PPP1R26: variants seen among roughly 807,000 people sequenced by gnomAD.
PPP1R26 encodes the protein protein phosphatase 1 regulatory subunit 26, also known as 1A6/DRIM (down-regulated in metastasis) interacting protein.
A neutral mutation model predicts 67.6 loss-of-function variants in PPP1R26; 22 were observed. The ratio of observed to expected loss-of-function variants is 0.33; its 90% CI spans 0.23 to 0.46. The LOEUF is 0.46. Among genes scored for constraint, PPP1R26 ranks in the 20% least tolerant of loss-of-function variants. The pLI is 1.00. For synonymous variants in PPP1R26, 729 were observed against 717.2 expected, an observed-to-expected ratio of 1.02 and a Z score of -0.26; for missense variants, 1,602 against 1,651.4, an observed-to-expected ratio of 0.97 and a Z score of 0.52.
At position 135,487,760 on chromosome 9, in the gene PPP1R26, A is replaced by C. The variant is rs982936502; in HGVS notation, c.3250A>C (p.Thr1084Pro). 7.4e-6 allele frequency: 11 copies of C among 1,493,414 alleles called. No individual in the cohort carries two copies. The highest frequency in any genetic ancestry group is 9.8e-6 in the Non-Finnish European group (11 of 1,123,866). 92.5% of individuals were successfully genotyped at this position (1,493,414 alleles called of 1,614,324 possible). The change falls in exon 4 of 4, where the codon ACC becomes CCC. Residue 1084 changes from threonine to proline, a missense_variant. Coordinates refer to ENST00000356818, the MANE Select transcript of PPP1R26 (RefSeq NM_014811.5). ...TGCGGGCTTCTCGCCGCTGCTGTCC[A>C]CCCAGCTCTTCCACTTTGGAAAGGG... is the stretch of plus-strand genomic sequence containing the variant. ...PLAGFSPLLSTQLFHFGKGVS... is the reference protein window; with the variant it reads ...PLAGFSPLLSPQLFHFGKGVS...
chr9:135,484,672 G>A lies in PPP1R26; in HGVS notation c.162G>A (p.Leu54=). The change falls in exon 4 of 4, where the codon CTG becomes CTA. Residue 54 remains leucine (L), a synonymous_variant. Transcript: ENST00000356818. The part of the protein sequence containing the change: ...SARVQMLIST[L]QRDGAARGTS... ...GGGTGCAGATGCTTATCAGCACTCTGCAGCGCGACGGGGCTGCTCGGGGCA... is the reference window on the plus strand; with the variant it reads ...GGGTGCAGATGCTTATCAGCACTCTACAGCGCGACGGGGCTGCTCGGGGCA... The A allele has an allele frequency of 1.2e-6, 2 of 1,610,740 alleles. No homozygotes were observed. Among genetic ancestry groups the A allele is most frequent in the South Asian group, 2.2e-5 (2 of 91,054 alleles).
upstream of PPP1R26, chr9:135,479,596 G>A (rs1347905569): frequency 6.8e-6 from 1 of 146,090 alleles, no homozygotes; most frequent in Non-Finnish European, 1.5e-5. This position sits in a 1 kb window ranked among gnomAD's most constrained non-coding sequence, Gnocchi z 5.9. Context: ...CGCGGCGGCA[G>A]GTGGGCGCGC....
At position 135,486,505 on chromosome 9, in the gene PPP1R26, G is replaced by C; in HGVS notation, c.1995G>C (p.Gln665His). ...GPGDTRMSQG[Q>H]GKTDEARRLD... The stretch of plus-strand genomic sequence containing the variant: ...GCGACACTCGCATGTCACAGGGCCA[G>C]GGTAAGACAGACGAGGCAAGGCGCC... Residue 665 changes from glutamine to histidine, a missense_variant, in exon 4 of 4, where the codon CAG becomes CAC. Physicochemically the swap from Gln to His is conservative, Grantham distance 24. This residue lies in a region of PPP1R26 where 680 missense variants were observed against 726.1 expected (regional missense o/e 0.94). Transcript: ENST00000356818. This position sits in a 1 kb window ranked among gnomAD's most constrained non-coding sequence, Gnocchi z 6.2. 1.2e-6 allele frequency: 2 copies of C among 1,613,042 alleles called. No individual in the cohort carries two copies. Among genetic ancestry groups the C allele is most frequent in the Non-Finnish European group, 1.7e-6 (2 of 1,179,960 alleles).
chr9:135,481,879 A>G (rs1439674719), intron 1 of PPP1R26, among the ~76,000 whole-genome samples: 1 of 152,164 alleles, frequency 6.6e-6, no homozygotes, highest in Non-Finnish European at 1.5e-5. Context: ...TCAGCCTCCC[A>G]AAGTGCTGGG....
chr9:135,484,123 C>T (rs150221859), intron 3 of PPP1R26, 41 bp downstream of exon 3: 1 of 414,378 alleles, frequency 2.4e-6, no homozygotes, highest in East Asian at 3.5e-5. Context: ...AGGTGGAAGC[C>T]CGGAGTGAGA....
chr9:135,488,684 A>G lies in PPP1R26; in HGVS notation c.*544A>G. On this transcript the variant is annotated 3_prime_UTR_variant, in exon 4 of 4. Transcript: ENST00000356818. ...CCTTAGAGGCCAGAGCACATCTGAAAACTGCAATCACAGCCGTCCGCTGGA... is the reference window on the plus strand; with the variant it reads ...CCTTAGAGGCCAGAGCACATCTGAAGACTGCAATCACAGCCGTCCGCTGGA... The G allele has an allele frequency of 6.0e-6, 1 of 167,170 alleles. No homozygotes were observed. 10.4% of individuals were successfully genotyped at this position (167,170 alleles called of 1,614,324 possible). A position where few individuals can be genotyped will look rare whatever the true frequency, so the allele number is the denominator to read the frequency against.
At position 135,486,690 on chromosome 9, in the gene PPP1R26, C is replaced by T. The variant is rs552032298; in HGVS notation, c.2180C>T (p.Ala727Val). Residue 727 changes from alanine (A) to valine (V), a missense_variant, in exon 4 of 4, where the codon GCC (alanine) becomes GTC (valine). By Grantham distance (64) the Ala-to-Val change is moderately conservative. Transcript: ENST00000356818. This position sits in a 1 kb window ranked among gnomAD's most constrained non-coding sequence, Gnocchi z 6.2. Reference sequence around the variant, plus strand: ...AGGAAGAAGGTCAGGTTCAGCACAGCCCAGACGCACTTCTTGGAGCAGCTG... The same window carrying T: ...AGGAAGAAGGTCAGGTTCAGCACAGTCCAGACGCACTTCTTGGAGCAGCTG... The part of the protein sequence containing the change: ...ACRKKVRFST[A>V]QTHFLEQLGG... 1 of 1,599,692 alleles carries T rather than the reference C, an allele frequency of 6.3e-7. No homozygotes were observed. The highest frequency in any genetic ancestry group is 8.5e-7 in the Non-Finnish European group (1 of 1,173,750).
Position 135,487,891 on chromosome 9 carries a change from C to A in PPP1R26, c.3381C>A (p.Ser1127Arg). The change falls in exon 4 of 4, where the codon AGC (serine) becomes AGA (arginine). Residue 1127 changes from serine (S) to arginine (R), a missense_variant. Physicochemically the swap from Ser to Arg is moderately radical, Grantham distance 110. Transcript: ENST00000356818. ...SAFREAQAGP[S>R]PVFGSPHLLA... Reference sequence around the variant, plus strand: ...TCAGGGAGGCCCAGGCCGGACCCAGCCCTGTCTTTGGAAGCCCACACTTGC... The same window carrying A: ...TCAGGGAGGCCCAGGCCGGACCCAGACCTGTCTTTGGAAGCCCACACTTGC... The A allele has an allele frequency of 1.9e-6, 3 of 1,577,002 alleles. No homozygotes were observed. Among genetic ancestry groups the A allele is most frequent in the Middle Eastern group, 2.2e-4 (1 of 4,630 alleles).
Position 135,487,849 on chromosome 9 carries a change from C to A in PPP1R26, c.3339C>A (p.Gly1113=), listed in dbSNP as rs201947758. The A allele has an allele frequency of 6.5e-4, 1,042 of 1,594,388 alleles. 4 individuals are homozygous for A. Among genetic ancestry groups the A allele is most frequent in the Admixed American group, 1.2e-3 (70 of 57,034 alleles). The change falls in exon 4 of 4, where the codon GGC becomes GGA. Residue 1113 remains glycine (G), a synonymous_variant. Coordinates refer to ENST00000356818, the MANE Select transcript of PPP1R26 (RefSeq NM_014811.5). ...CCCACCTGGGGCTGCCTCTGCAGGG[C>A]CCCTCCTTCTCGGCCTTCAGGGAGG... The part of the protein sequence containing the change: ...FSPHLGLPLQ[G]PSFSAFREAQ...
In PPP1R26 at chr9:135,484,597, G is replaced by T. The variant is rs1299426210; in HGVS notation, c.87G>T (p.Arg29Ser). 1 of 1,612,576 alleles carries T rather than the reference G, an allele frequency of 6.2e-7. No individual in the cohort carries two copies. Among genetic ancestry groups the T allele is most frequent in the Non-Finnish European group, 8.5e-7 (1 of 1,180,022 alleles). Reference protein sequence around the residue: ...FGPPGSCRFPRCFSEADEGVE... With the variant: ...FGPPGSCRFPSCFSEADEGVE... ...CGCCAGGGAGCTGTAGGTTCCCCAG[G>T]TGCTTCTCGGAGGCTGACGAGGGCG... The change falls in exon 4 of 4, where the codon AGG becomes AGT. Residue 29 changes from arginine to serine, a missense_variant. Coordinates refer to ENST00000356818, the MANE Select transcript of PPP1R26 (RefSeq NM_014811.5).
In PPP1R26 at chr9:135,487,467, C is replaced by T. The variant is rs148253017; in HGVS notation, c.2957C>T (p.Ala986Val). ...AFGQLPSCATAGTEAGGARGT... is the reference protein window; with the variant it reads ...AFGQLPSCATVGTEAGGARGT... ...GGTCAGCTGCCCAGCTGTGCCACAG[C>T]GGGCACCGAGGCAGGAGGCGCCAGA... is the stretch of plus-strand genomic sequence containing the variant. Residue 986 changes from alanine to valine, a missense_variant, in exon 4 of 4, where the codon GCG (alanine) becomes GTG (valine). By Grantham distance (64) the Ala-to-Val change is moderately conservative. This residue lies in a region of PPP1R26 where 740 missense variants were observed against 696.3 expected (regional missense o/e 1.06). Transcript: ENST00000356818. 47 of 1,610,460 alleles carry T rather than the reference C, an allele frequency of 2.9e-5. No individual in the cohort carries two copies. The highest frequency in any genetic ancestry group is 1.0e-4 in the Admixed American group (6 of 59,940).
In PPP1R26 at chr9:135,487,625, C is replaced by T. The variant is rs1830796713; in HGVS notation, c.3115C>T (p.Pro1039Ser). The T allele has an allele frequency of 6.7e-7, 1 of 1,483,222 alleles. No homozygotes were observed. Among genetic ancestry groups the T allele is most frequent in the Non-Finnish European group, 9.0e-7 (1 of 1,116,236 alleles). The allele number at this position is 1,483,222 out of a possible 1,614,324, so 91.9% of individuals were successfully genotyped here. A position where few individuals can be genotyped will look rare whatever the true frequency, so the allele number is the denominator to read the frequency against. ...CGCCCACCAGAGTCGGCTGCCCAGC[C>T]CGTGGGTGCTGCGCTCCGAAGGCAG... ...DFAHQSRLPS[P>S]WVLRSEGRDA... The change falls in exon 4 of 4, where the codon CCG (proline) becomes TCG (serine). Residue 1039 changes from proline to serine, a missense_variant. Physicochemically the swap from Pro to Ser is moderately conservative, Grantham distance 74. Coordinates refer to ENST00000356818, the MANE Select transcript of PPP1R26 (RefSeq NM_014811.5).
In PPP1R26 at chr9:135,488,182, G is replaced by T; in HGVS notation, c.*42G>T. On this transcript the variant is annotated 3_prime_UTR_variant, in exon 4 of 4. Transcript: ENST00000356818. ...TTCGCGTCCTGGGTTGCGTGCATTC[G>T]TGGAAAGCGGCGTAGCCGTGCGTGT... is the stretch of plus-strand genomic sequence containing the variant. The T allele has an allele frequency of 6.7e-7, 1 of 1,485,650 alleles. No homozygotes were observed. The highest frequency in any genetic ancestry group is 8.9e-7 in the Non-Finnish European group (1 of 1,120,452). 92.0% of individuals were successfully genotyped at this position (1,485,650 alleles called of 1,614,324 possible).
In PPP1R26 at chr9:135,482,944, G is replaced by T. The variant is rs909957560; in HGVS notation, c.-196+129G>T. The T allele has an allele frequency of 1.9e-5, 7 of 372,744 alleles. No homozygotes were observed. In the South Asian group the frequency reaches 7.6e-4, roughly 40 times the overall value. The allele number at this position is 372,744 out of a possible 1,614,324, so 23.1% of individuals were successfully genotyped here. On this transcript the variant is annotated intron_variant, in intron 2 of 3. Transcript: ENST00000356818. ...GGTTACCCCTTTTGGGCTCACCTGT[G>T]TGTAGGTGGCCAGGCTCACCTTTTG...
rs780128336 is a variant in PPP1R26, at chr9:135,485,647, A to G, written c.1137A>G (p.Lys379=). 6.2e-7 allele frequency: 1 copy of G among 1,612,826 alleles called. No individual in the cohort carries two copies. The highest frequency in any genetic ancestry group is 1.1e-5 in the South Asian group (1 of 91,056). ...CCATCCAGCTGTACCAGCTGCAGAA[A>G]ACACGCAAGGAGGCCGACGGGGACC... ...EEAIQLYQLQ[K]TRKEADGDLP... is the part of the protein sequence containing the mutation. The change falls in exon 4 of 4, where the codon AAA becomes AAG. Residue 379 remains lysine, a synonymous_variant. Transcript: ENST00000356818. The surrounding 1 kb of genome is among the most constrained non-coding windows in gnomAD (Gnocchi z 7.2).
rs1379262146 is a variant in PPP1R26, at chr9:135,485,425, C to T, written c.915C>T (p.Leu305=). 2.5e-6 allele frequency: 4 copies of T among 1,612,874 alleles called. No homozygotes were observed. In the Admixed American group the frequency reaches 6.7e-5, roughly 27 times the overall value. ...LAKMNVQPRS[L]RSKVTTTQEN... ...AGATGAACGTCCAGCCCAGAAGCCT[C>T]AGGTCCAAGGTCACAACCACGCAGG... Residue 305 remains leucine, a synonymous_variant, in exon 4 of 4, where the codon CTC becomes CTT. Coordinates refer to ENST00000356818, the MANE Select transcript of PPP1R26 (RefSeq NM_014811.5). This position sits in a 1 kb window ranked among gnomAD's most constrained non-coding sequence, Gnocchi z 7.2.
At position 135,485,690 on chromosome 9, in the gene PPP1R26, C is replaced by A; in HGVS notation, c.1180C>A (p.Leu394Ile). ...ADGDLPQRVQ[L>I]REERAPDPPA... ...CGGGGACCTGCCCCAGAGGGTCCAA[C>A]TCCGAGAGGAGAGAGCGCCTGACCC... Residue 394 changes from leucine (L) to isoleucine (I), a missense_variant, in exon 4 of 4, where the codon CTC becomes ATC. Physicochemically the swap from Leu to Ile is conservative, Grantham distance 5 (BLOSUM62 2). Coordinates refer to ENST00000356818, the MANE Select transcript of PPP1R26 (RefSeq NM_014811.5). This position sits in a 1 kb window ranked among gnomAD's most constrained non-coding sequence, Gnocchi z 7.2. 6.2e-7 allele frequency: 1 copy of A among 1,611,038 alleles called. No homozygotes were observed. Among genetic ancestry groups the A allele is most frequent in the South Asian group, 1.1e-5 (1 of 91,016 alleles).
Position 135,487,307 on chromosome 9 carries a change from C to G in PPP1R26, c.2797C>G (p.Arg933Gly). Residue 933 changes from arginine (R) to glycine (G), a missense_variant, in exon 4 of 4, where the codon CGA (arginine) becomes GGA (glycine). Coordinates refer to ENST00000356818, the MANE Select transcript of PPP1R26 (RefSeq NM_014811.5). ...GGKGLPAAPA[R>G]GDPVPPRSTS... ...GAAGGGGCTCCCTGCTGCTCCTGCC[C>G]GAGGGGATCCGGTGCCGCCCAGGAG... The G allele has an allele frequency of 6.4e-7, 1 of 1,556,796 alleles. No homozygotes were observed. Among genetic ancestry groups the G allele is most frequent in the Non-Finnish European group, 8.7e-7 (1 of 1,153,066 alleles).
In PPP1R26 at chr9:135,488,001, A is replaced by T. The variant is rs1242843862; in HGVS notation, c.3491A>T (p.Glu1164Val). The change falls in exon 4 of 4, where the codon GAG becomes GTG. Residue 1164 changes from glutamate to valine, a missense_variant. Coordinates refer to ENST00000356818, the MANE Select transcript of PPP1R26 (RefSeq NM_014811.5). The stretch of plus-strand genomic sequence containing the variant: ...CATGACAGGAGGAGCTCGGGCTCGG[A>T]GGAAAGCATTTTAGACCTGAGGTAT... ...SLHDRRSSGS[E>V]ESILDLRYRR... 3.1e-6 allele frequency: 5 copies of T among 1,611,498 alleles called. No homozygotes were observed. The highest frequency in any genetic ancestry group is 4.2e-6 in the Non-Finnish European group (5 of 1,179,018).
Sources: allele counts gnomAD v4.1 joint callset (sites outside exome capture counted in the v4.1 genomes callset), GRCh38; gene constraint gnomAD v4.1.1; regional missense constraint gnomAD v4.1.1; non-coding constraint Gnocchi (gnomAD v3.1); transcripts MANE v1.5; gene names NCBI Gene and HGNC (gene_info 2026-07-23, HGNC 2026-07-21).